Variants in DNAH2 observed in about 807,000 individuals in gnomAD.
DNAH2 encodes the protein axonemal beta dynein heavy chain 2.
A neutral mutation model predicts 523.5 loss-of-function variants in DNAH2; 323 were observed. The ratio of observed to expected loss-of-function variants is 0.62; its 90% CI spans 0.56 to 0.68. The LOEUF is 0.68. Ranked by LOEUF, DNAH2 falls within the 30% of genes least tolerant of loss-of-function variation. The pLI, the probability that DNAH2 is intolerant of heterozygous loss-of-function variation, is 0.00. For missense variants in DNAH2, 4,907 were observed against 5,701.5 expected (o/e 0.86, Z 4.49); for synonymous variants, 2,093 against 2,177.4 (o/e 0.96, Z 1.08).
At chr17:7,773,956 C>T (rs1273138826) in intron 28 of DNAH2, among the ~76,000 whole-genome samples, 1 of 152,114 alleles carries the variant, frequency 6.6e-6, no homozygotes, top group African/African-American at 2.4e-5. Flanking sequence ...TCTTGAACTC[C>T]TGACCTCAAG....
Position 7,833,486 on chromosome 17 carries a change from C to CATTG in DNAH2, c.13238_13241dup (p.Trp4414Ter). The stretch of plus-strand genomic sequence containing the variant: ...GCGGTCTGGGGCCATGACACCTGAT[C>CATTG]ATTGGATCAAGAGGGGCACTGCTCT... On this transcript the variant is annotated stop_gained and frameshift_variant, in exon 86 of 86. Transcript: ENST00000572933. LOFTEE classifies it high-confidence loss of function. 6.2e-7 allele frequency: 1 copy of CATTG among 1,614,130 alleles called. No homozygotes were observed. Among genetic ancestry groups the CATTG allele is most frequent in the Non-Finnish European group, 8.5e-7 (1 of 1,180,034 alleles).
chr17:7,778,394 A>G lies in DNAH2; in HGVS notation c.5466A>G (p.Ile1822Met), dbSNP rs780523875. Residue 1822 changes from isoleucine (I) to methionine (M), a missense_variant, in exon 35 of 86, where the codon ATA becomes ATG. By Grantham distance (10) the Ile-to-Met change is conservative. Around this residue, in one of 3 missense-constraint regions of DNAH2, gnomAD observed 2,806 missense variants for 3,190.8 expected, o/e 0.88. Transcript: ENST00000572933. ...AGGACCTGGGCAAGGCCCTGGGCAT[A>G]TATGTCATTGTGGTCAACTGCTCTG... is the stretch of plus-strand genomic sequence containing the variant. ...TVKDLGKALG[I>M]YVIVVNCSEG... is the part of the protein sequence containing the mutation. 5 of 1,614,214 alleles carry G rather than the reference A, an allele frequency of 3.1e-6. No homozygotes were observed. In the South Asian group the frequency reaches 4.4e-5, roughly 14 times the overall value.
Position 7,799,157 on chromosome 17 carries a change from G to A in DNAH2, c.8614G>A (p.Asp2872Asn). 6.2e-7 allele frequency: 1 copy of A among 1,614,220 alleles called. No homozygotes were observed. Among genetic ancestry groups the A allele is most frequent in the Non-Finnish European group, 8.5e-7 (1 of 1,180,046 alleles). Residue 2872 changes from aspartate (D) to asparagine (N), a missense_variant, in exon 56 of 86, where the codon GAC (aspartate) becomes AAC (asparagine). Around this residue, in one of 3 missense-constraint regions of DNAH2, gnomAD observed 1,851 missense variants for 2,139.4 expected, o/e 0.87. Transcript: ENST00000572933. ...GGTGGAGCAGGTGCCTGAGTCATCGGACAGCCTCTTCGCCTACCTCATTGA... is the reference window on the plus strand; with the variant it reads ...GGTGGAGCAGGTGCCTGAGTCATCGAACAGCCTCTTCGCCTACCTCATTGA... Reference protein sequence around the residue: ...ARVEQVPESSDSLFAYLIERV... With the variant: ...ARVEQVPESSNSLFAYLIERV...
At chr17:7,769,677 T>A (rs2076263220) in intron 24 of DNAH2, among the ~76,000 whole-genome samples, 1 of 152,250 alleles carries the variant, frequency 6.6e-6, no homozygotes, top group Non-Finnish European at 1.5e-5. Context: ...GCAGAGGATG[T>A]ATCTCAAACC....
At chr17:7,736,152 G>A (rs1034409435) in intron 7 of DNAH2, among the ~76,000 whole-genome samples, 14 of 152,072 alleles carry the variant, frequency 9.2e-5, no homozygotes, top group Non-Finnish European at 1.6e-4. Context: ...TGAGATTATA[G>A]GTGTGAGCCA....
In DNAH2 at chr17:7,832,924, C is replaced by G. The variant is rs116930996; in HGVS notation, c.12974C>G (p.Pro4325Arg). The G allele has an allele frequency of 0.032, 50,994 of 1,614,136 alleles. 911 individuals carry two copies. Among genetic ancestry groups the G allele is most frequent in the Non-Finnish European group, 0.036 (42,089 of 1,180,012 alleles). Residue 4325 changes from proline (P) to arginine (R), a missense_variant, in exon 84 of 86, where the codon CCC becomes CGC. This residue lies in a region of DNAH2 where 1,851 missense variants were observed against 2,139.4 expected (regional missense o/e 0.87). Transcript: ENST00000572933. This position sits in a 1 kb window ranked among gnomAD's most constrained non-coding sequence, Gnocchi z 4.3. ...GATGACAGCAACCTAGTGTATCCCCCCAAGGTGGGAGCCAGTTGTGCTTGG... is the reference window on the plus strand; with the variant it reads ...GATGACAGCAACCTAGTGTATCCCCGCAAGGTGGGAGCCAGTTGTGCTTGG... ...TVDDSNLVYP[P>R]KDGVWVRGLY...
At chr17:7,778,226 G>A in intron 34 of DNAH2, 46 bp downstream of exon 34, 1 of 1,614,100 alleles carries the variant, frequency 6.2e-7, no homozygotes, top group Non-Finnish European at 8.5e-7. Flanking sequence ...GGGGGCAGCA[G>A]AAGCTGAGAG....
rs1277587828 is a variant in DNAH2 at position 7,717,788 on chromosome 17, T to C, written c.-1026T>C. On this transcript the variant is annotated 5_prime_UTR_variant, in exon 1 of 86. Coordinates refer to ENST00000572933, the MANE Select transcript of DNAH2 (RefSeq NM_020877.5). ...GGCTGCGAGGGGCAACTTCTTAGAGTGGCCCATCGGTCGGTCTAGGGAGGG... is the reference window on the plus strand; with the variant it reads ...GGCTGCGAGGGGCAACTTCTTAGAGCGGCCCATCGGTCGGTCTAGGGAGGG... 2.0e-5 allele frequency: 3 copies of C among 150,470 alleles called. No individual in the cohort carries two copies. The South Asian group carries it at 6.4e-4, about 32-fold the overall frequency. 9.3% of individuals were successfully genotyped at this position (150,470 alleles called of 1,614,324 possible). A position where few individuals can be genotyped will look rare whatever the true frequency, so the allele number is the denominator to read the frequency against.
At chr17:7,731,804 G>A (rs993496068) in intron 4 of DNAH2, among the ~76,000 whole-genome samples, 2 of 152,028 alleles carry the variant, frequency 1.3e-5, no homozygotes, top group Non-Finnish European at 2.9e-5. Flanking sequence ...CGAGGCAGGC[G>A]GATCACCTAA....
chr17:7,817,546 C>A lies in DNAH2; in HGVS notation c.10021-15C>A. The A allele has an allele frequency of 6.2e-7, 1 of 1,613,962 alleles. No individual in the cohort carries two copies. The highest frequency in any genetic ancestry group is 8.5e-7 in the Non-Finnish European group (1 of 1,179,972). ...CAGCTCTTCAAGTTAAAGCATGGGG[C>A]TTTTCTCTCCCCAGATCTGGGAGCT... On this transcript the variant is annotated splice_polypyrimidine_tract_variant and intron_variant, in intron 65 of 85. Transcript: ENST00000572933.
chr17:7,808,363 G>A (rs2077424228), intron 63 of DNAH2, among the ~76,000 whole-genome samples: 1 of 146,396 alleles, frequency 6.8e-6, no homozygotes, highest in Non-Finnish European at 1.5e-5. Context: ...GAGTGAGACT[G>A]TCTCAGAAAA....
In DNAH2 at chr17:7,774,778, A is replaced by G; in HGVS notation, c.4521A>G (p.Ile1507Met). 6.2e-7 allele frequency: 1 copy of G among 1,614,188 alleles called. No homozygotes were observed. The highest frequency in any genetic ancestry group is 8.5e-7 in the Non-Finnish European group (1 of 1,180,010). ...TCCCAGGCCTCCTGGACACATTGAT[A>G]GAAATGAATACAATCCTGGAAGATA... ...THHPGLLDTL[I>M]EMNTILEDIQ... The change falls in exon 29 of 86, where the codon ATA (isoleucine) becomes ATG (methionine). Residue 1507 changes from isoleucine (I) to methionine (M), a missense_variant. Ile to Met is a conservative substitution (Grantham distance 10). Around this residue, in one of 3 missense-constraint regions of DNAH2, gnomAD observed 2,806 missense variants for 3,190.8 expected, o/e 0.88. Coordinates refer to ENST00000572933, the MANE Select transcript of DNAH2 (RefSeq NM_020877.5).
intron 3 of DNAH2, among the ~76,000 whole-genome samples, chr17:7,726,029 G>A (rs1486379386): frequency 1.3e-5 from 2 of 151,344 alleles, no homozygotes; most frequent in Non-Finnish European, 3.0e-5. Context: ...TTTTTGAGAC[G>A]GAGTCTTGCT....
At chr17:7,787,363 C>A in intron 42 of DNAH2, 1 of 411,066 alleles carries the variant, frequency 2.4e-6, no homozygotes, top group Non-Finnish European at 4.4e-6. Flanking sequence ...CAAGCACACC[C>A]TTTTCCACCC....
intron 58 of DNAH2, among the ~76,000 whole-genome samples, chr17:7,802,339 C>T (rs955796534): frequency 6.6e-6 from 1 of 152,212 alleles, no homozygotes; most frequent in Non-Finnish European, 1.5e-5. Context: ...GTCTTCTAGA[C>T]TTTCTACCTG....
intron 56 of DNAH2, among the ~76,000 whole-genome samples, chr17:7,801,031 G>T (rs1016554766): frequency 6.6e-6 from 1 of 151,302 alleles, no homozygotes; most frequent in Non-Finnish European, 1.5e-5. Context: ...TGCCACCACG[G>T]CCAGCTAATT....
chr17:7,797,106 A>G (rs1567715597), intron 50 of DNAH2, 70 bp from the exon 51 acceptor site: 3 of 1,377,060 alleles, frequency 2.2e-6, no homozygotes, highest in Non-Finnish European at 3.0e-6. Flanking sequence ...TGTCCCAAAA[A>G]AAAAAAAAAA....
intron 27 of DNAH2, 137 bp downstream of exon 27, chr17:7,771,070 T>C (rs1751764824): frequency 7.7e-6 from 8 of 1,032,928 alleles, no homozygotes; most frequent in Non-Finnish European, 1.1e-5. Flanking sequence ...AGCTGTCTGA[T>C]TCTTAGTTAT....
rs543063365 is a variant in DNAH2, at chr17:7,754,659, A to C, written c.1905-2432A>C. ...CAAGATCCCAAAGGGTGTCAGCCAT[A>C]AACTTGATCGACTTGCCTACATTGC... On this transcript the variant is annotated intron_variant, in intron 12 of 85. Coordinates refer to ENST00000572933, the MANE Select transcript of DNAH2 (RefSeq NM_020877.5). The surrounding 1 kb of genome is among the most constrained non-coding windows in gnomAD (Gnocchi z 4.6). 2 of 1,371,632 alleles carry C rather than the reference A, an allele frequency of 1.5e-6. No homozygotes were observed. The highest frequency in any genetic ancestry group is 2.8e-5 in the African/African-American group (2 of 70,704). 85.0% of individuals were successfully genotyped at this position (1,371,632 alleles called of 1,614,324 possible).
Sources: allele counts gnomAD v4.1 joint callset (sites outside exome capture counted in the v4.1 genomes callset), GRCh38; gene constraint gnomAD v4.1.1; regional missense constraint gnomAD v4.1.1; non-coding constraint Gnocchi (gnomAD v3.1); transcripts MANE v1.5; gene names NCBI Gene and HGNC (gene_info 2026-07-23, HGNC 2026-07-21).